The following AGBL1 variants were observed in gnomAD, a reference collection of about 807,000 sequenced individuals.
AGBL1 encodes the protein AGBL carboxypeptidase 1.
AGBL1 carries 130 observed loss-of-function variants against 118.9 expected under a neutral mutation model. The ratio of observed to expected loss-of-function variants is 1.09; its 90% CI spans 0.95 to 1.26. The LOEUF is 1.26. Among genes scored for constraint, AGBL1 ranks in the 50% most tolerant of loss-of-function variants. AGBL1 has a pLI of 0.00. For missense variants in AGBL1, 1,584 were observed against 1,298.1 expected (o/e 1.22, Z -3.38); for synonymous variants, 555 against 478.9 (o/e 1.16, Z -2.08).
chr15:87,019,195 G>C (rs2570111), intron 24 of AGBL1, among the ~76,000 whole-genome samples: 2 of 151,562 alleles, frequency 1.3e-5, no homozygotes, highest in African/African-American at 4.8e-5. Flanking sequence ...CTCCATGGAC[G>C]TTATTAGACA....
At chr15:86,541,978 T>A (rs1407645005) in intron 19 of AGBL1, among the ~76,000 whole-genome samples, 1 of 152,210 alleles carries the variant, frequency 6.6e-6, no homozygotes, top group African/African-American at 2.4e-5. Flanking sequence ...AGTATTCTAA[T>A]AAGGGCAGAA....
chr15:86,276,261 T>C (rs2141706026), intron 15 of AGBL1, among the ~76,000 whole-genome samples: 1 of 152,346 alleles, frequency 6.6e-6, no homozygotes, highest in Non-Finnish European at 1.5e-5. Context: ...AGACATCTTG[T>C]CCTTTTTAAC....
At chr15:86,973,017 G>C (rs1422788840) in intron 23 of AGBL1, among the ~76,000 whole-genome samples, 4 of 151,856 alleles carry the variant, frequency 2.6e-5, no homozygotes, top group African/African-American at 9.7e-5. Context: ...TTGGATTTTT[G>C]CAACTTTCTG....
intron 22 of AGBL1, among the ~76,000 whole-genome samples, chr15:86,854,053 G>A (rs2079444428): frequency 6.6e-6 from 1 of 152,088 alleles, no homozygotes; most frequent in African/African-American, 2.4e-5. Flanking sequence ...AGTACCTTGG[G>A]TCTGAAATGG....
intron 7 of AGBL1, among the ~76,000 whole-genome samples, chr15:86,256,220 C>T (rs1038286680): frequency 6.6e-6 from 1 of 152,142 alleles, no homozygotes; most frequent in African/African-American, 2.4e-5. Context: ...TGTCATGTTC[C>T]ATCAGTATCA....
chr15:86,350,622 C>T (rs549546076), intron 17 of AGBL1, among the ~76,000 whole-genome samples: 7 of 152,212 alleles, frequency 4.6e-5, no homozygotes, highest in South Asian at 2.1e-4. Context: ...GTGGTATCTA[C>T]GGACACGGGC....
At chr15:86,495,022 T>C (rs2082829988) in intron 18 of AGBL1, among the ~76,000 whole-genome samples, 1 of 151,866 alleles carries the variant, frequency 6.6e-6, no homozygotes, top group Admixed American at 6.6e-5. Context: ...CCAATTTTCA[T>C]CCTTGCTTCA....
At chr15:86,707,205 C>A (rs2086465949) in intron 22 of AGBL1, among the ~76,000 whole-genome samples, 1 of 152,086 alleles carries the variant, frequency 6.6e-6, no homozygotes, top group Non-Finnish European at 1.5e-5. Context: ...AACACTACAT[C>A]ACCTTTACAT....
At chr15:86,470,564 C>G (rs1364885950) in intron 18 of AGBL1, among the ~76,000 whole-genome samples, 1 of 152,094 alleles carries the variant, frequency 6.6e-6, no homozygotes, top group African/African-American at 2.4e-5. Context: ...GCTTTTTCTA[C>G]TTCTATGAAA....
At chr15:86,718,349 G>T (rs2086668304) in intron 22 of AGBL1, among the ~76,000 whole-genome samples, 1 of 152,118 alleles carries the variant, frequency 6.6e-6, no homozygotes, top group Non-Finnish European at 1.5e-5. Context: ...GAGAACACTT[G>T]GACACAGGGT....
chr15:86,218,625 A>G (rs1422935395), intron 5 of AGBL1, among the ~76,000 whole-genome samples: 2 of 152,190 alleles, frequency 1.3e-5, no homozygotes, highest in Non-Finnish European at 2.9e-5. Flanking sequence ...AGGTCATTGC[A>G]TATGTACTCT....
chr15:86,927,400 G>C (rs1347409370), intron 23 of AGBL1, among the ~76,000 whole-genome samples: 1 of 145,620 alleles, frequency 6.9e-6, no homozygotes, highest in African/African-American at 2.5e-5. Flanking sequence ...ACCAGCCTGG[G>C]CAATAAAGGG....
intron 21 of AGBL1, among the ~76,000 whole-genome samples, chr15:86,581,275 G>C (rs1413733198): frequency 6.6e-6 from 1 of 152,068 alleles, no homozygotes; most frequent in Non-Finnish European, 1.5e-5. Flanking sequence ...AGGCAAATTA[G>C]GAATAAAATG....
intron 22 of AGBL1, among the ~76,000 whole-genome samples, chr15:86,791,502 T>C (rs892598649): frequency 2.6e-5 from 4 of 152,080 alleles, no homozygotes; most frequent in African/African-American, 9.7e-5. Flanking sequence ...CCTCAGTCTT[T>C]TTCAAGCTCA....
intron 19 of AGBL1, among the ~76,000 whole-genome samples, chr15:86,542,929 G>A (rs907768199): frequency 6.6e-5 from 10 of 151,956 alleles, no homozygotes; most frequent in African/African-American, 2.4e-4. Flanking sequence ...AATGAACTTC[G>A]TGTAGGCAGA....
chr15:86,881,485 C>G (rs1361318993), intron 22 of AGBL1, among the ~76,000 whole-genome samples: 1 of 152,150 alleles, frequency 6.6e-6, no homozygotes, highest in East Asian at 1.9e-4. Context: ...GCCTGTGTCA[C>G]CACAAAATTG....
intron 19 of AGBL1, among the ~76,000 whole-genome samples, chr15:86,524,945 A>G (rs2083243169): frequency 6.6e-6 from 1 of 152,190 alleles, no homozygotes; most frequent in Non-Finnish European, 1.5e-5. Context: ...CAAATTGGAA[A>G]AGAGGAAATC....
At chr15:86,118,218 G>A (rs1481556271) in intron 1 of AGBL1, among the ~76,000 whole-genome samples, 1 of 152,194 alleles carries the variant, frequency 6.6e-6, no homozygotes, top group Non-Finnish European at 1.5e-5. Flanking sequence ...TTGAGGTGCT[G>A]GGGAGCCCTA....
intron 22 of AGBL1, among the ~76,000 whole-genome samples, chr15:86,788,469 G>C (rs1415769845): frequency 6.6e-6 from 1 of 152,146 alleles, no homozygotes; most frequent in Non-Finnish European, 1.5e-5. Context: ...ATAGCACTAA[G>C]TACGGGACAA....
Sources: allele counts gnomAD v4.1 joint callset (sites outside exome capture counted in the v4.1 genomes callset), GRCh38; gene constraint gnomAD v4.1.1; transcripts MANE v1.5; gene names NCBI Gene and HGNC (gene_info 2026-07-23, HGNC 2026-07-21).